The following FBXL13 variants were observed in gnomAD, a reference collection of about 807,000 sequenced individuals.
FBXL13 encodes the protein F-box and leucine-rich repeat protein 13.
A neutral mutation model predicts 83.6 loss-of-function variants in FBXL13; 67 were observed. The observed-to-expected ratio is 0.80, with a 90% CI of 0.66 to 0.98. The LOEUF is 0.98. Ranked by LOEUF, FBXL13 falls within the 50% of genes least tolerant of loss-of-function variation. The probability of loss-of-function intolerance (pLI) is 0.00; values close to 1 mark genes in which losing one functional copy is unlikely to be tolerated. For missense variants in FBXL13, 822 were observed against 866.5 expected (o/e 0.95, Z 0.64); for synonymous variants, 272 against 299.5 (o/e 0.91, Z 0.95).
chr7:102,907,585 C>G (rs562837039), intron 11 of FBXL13, among the ~76,000 whole-genome samples: 3 of 151,930 alleles, frequency 2.0e-5, no homozygotes, highest in African/African-American at 7.3e-5. Flanking sequence ...GTTTTCTGTC[C>G]TTGCGATAGT....
chr7:102,943,728 C>T (rs184440486), intron 8 of FBXL13, among the ~76,000 whole-genome samples: 2 of 152,270 alleles, frequency 1.3e-5, no homozygotes, highest in South Asian at 2.1e-4. Flanking sequence ...CAAGCAATAA[C>T]GAATCCTTAA....
intron 18 of FBXL13, 124 bp downstream of exon 19, chr7:102,832,716 A>T (rs4377880): frequency 8.3e-7 from 1 of 1,199,982 alleles, no homozygotes; most frequent in Non-Finnish European, 1.1e-6. Flanking sequence ...GAAGAAAAAA[A>T]TCCAATGAAT....
At chr7:102,831,825 T>C (rs1268019386) in intron 18 of FBXL13, among the ~76,000 whole-genome samples, 2 of 152,164 alleles carry the variant, frequency 1.3e-5, no homozygotes, top group Non-Finnish European at 2.9e-5. Flanking sequence ...CTTATCCATA[T>C]GGGCCCTCAC....
At chr7:102,930,025 G>C (rs1307399641) in intron 9 of FBXL13, among the ~76,000 whole-genome samples, 2 of 152,130 alleles carry the variant, frequency 1.3e-5, no homozygotes, top group Non-Finnish European at 2.9e-5. Flanking sequence ...TTGGGCTAGG[G>C]GTGGTGGGGA....
At chr7:103,006,244 T>C (rs1305886934) in intron 6 of FBXL13, among the ~76,000 whole-genome samples, 1 of 152,200 alleles carries the variant, frequency 6.6e-6, no homozygotes, top group Non-Finnish European at 1.5e-5. Context: ...AAGTGGGAGC[T>C]ACACAGAATA....
At chr7:102,917,766 T>C (rs945912057) in intron 10 of FBXL13, among the ~76,000 whole-genome samples, 2 of 152,050 alleles carry the variant, frequency 1.3e-5, no homozygotes, top group Non-Finnish European at 2.9e-5. Flanking sequence ...ATAGAACAGA[T>C]TGAAGGGAGG....
chr7:102,828,033 T>A (rs898468805), intron 18 of FBXL13, among the ~76,000 whole-genome samples: 1 of 152,224 alleles, frequency 6.6e-6, no homozygotes, highest in African/African-American at 2.4e-5. Context: ...TCCAGCTTTG[T>A]TCTTTTGGCT....
intron 6 of FBXL13, among the ~76,000 whole-genome samples, chr7:103,004,597 T>A (rs11976126): frequency 1.3e-3 from 204 of 152,346 alleles, no homozygotes; most frequent in Non-Finnish European, 2.2e-3. Flanking sequence ...AGAACAGTTT[T>A]CCTGCAAAGA....
At chr7:103,001,069 T>C (rs1196024586) in intron 6 of FBXL13, among the ~76,000 whole-genome samples, 1 of 152,044 alleles carries the variant, frequency 6.6e-6, no homozygotes, top group Non-Finnish European at 1.5e-5. Flanking sequence ...CTCAGCCTCC[T>C]GAGTAGCTGG....
chr7:102,880,990 G>A (rs1380930614), intron 14 of FBXL13, among the ~76,000 whole-genome samples: 1 of 152,160 alleles, frequency 6.6e-6, no homozygotes, highest in Non-Finnish European at 1.5e-5. Context: ...CATTGAGAGA[G>A]TAGAAAAGAA....
At chr7:102,856,533 A>G (rs1299323159) in intron 16 of FBXL13, among the ~76,000 whole-genome samples, 2 of 152,246 alleles carry the variant, frequency 1.3e-5, no homozygotes, top group Non-Finnish European at 2.9e-5. Context: ...TAAATATGAC[A>G]TATAACAACA....
intron 5 of FBXL13, among the ~76,000 whole-genome samples, chr7:103,026,065 A>ATTAT (rs1793873353): frequency 6.6e-6 from 1 of 151,780 alleles, no homozygotes; most frequent in East Asian, 1.9e-4. Context: ...TATATCAACC[A>ATTAT]CTGTGTGCAA....
intron 6 of FBXL13, chr7:102,973,815 G>A (rs1827080741): frequency 1.4e-6 from 1 of 720,242 alleles, no homozygotes. Flanking sequence ...AATCCATACA[G>A]CCTCTCTTGG....
At chr7:102,919,708 C>G (rs1003464348) in intron 10 of FBXL13, among the ~76,000 whole-genome samples, 2 of 152,162 alleles carry the variant, frequency 1.3e-5, no homozygotes, top group Non-Finnish European at 2.9e-5. Context: ...AAATACAGAA[C>G]ATGATTCAAG....
chr7:102,938,771 G>T (rs1230439053), intron 8 of FBXL13, among the ~76,000 whole-genome samples: 2 of 152,122 alleles, frequency 1.3e-5, no homozygotes, highest in African/African-American at 2.4e-5. Context: ...AAGAACTAAA[G>T]AATTTTTCTA....
At chr7:102,904,281 T>A (rs1385636592) in intron 11 of FBXL13, among the ~76,000 whole-genome samples, 1 of 152,156 alleles carries the variant, frequency 6.6e-6, no homozygotes, top group Non-Finnish European at 1.5e-5. Context: ...TTTGTTAGCA[T>A]ATAGCTGATC....
intron 8 of FBXL13, among the ~76,000 whole-genome samples, chr7:102,959,297 C>T (rs1018286201): frequency 6.6e-6 from 1 of 152,034 alleles, no homozygotes; most frequent in South Asian, 2.1e-4. Flanking sequence ...ACAGTTGAAA[C>T]TCCTTGTGCA....
intron 10 of FBXL13, among the ~76,000 whole-genome samples, chr7:102,917,585 G>A (rs1388734063): frequency 1.3e-5 from 2 of 152,212 alleles, no homozygotes; most frequent in Non-Finnish European, 2.9e-5. Context: ...TATAGAGAAT[G>A]TGAAGCATGC....
intron 6 of FBXL13, among the ~76,000 whole-genome samples, chr7:102,968,319 G>T (rs1039603552): frequency 6.6e-6 from 1 of 152,180 alleles, no homozygotes; most frequent in Admixed American, 6.5e-5. Flanking sequence ...CTAAAGTACT[G>T]GAACTTACCT....
Sources: allele counts gnomAD v4.1 joint callset (sites outside exome capture counted in the v4.1 genomes callset), GRCh38; gene constraint gnomAD v4.1.1; transcripts MANE v1.5; gene names NCBI Gene and HGNC (gene_info 2026-07-23, HGNC 2026-07-21).